The following UNC5C variants were observed in gnomAD, a reference collection of about 807,000 sequenced individuals.
UNC5C encodes netrin receptor UNC5C.
UNC5C carries 47 observed loss-of-function variants against 99.8 expected under a neutral mutation model. The observed-to-expected ratio is 0.47, with a 90% CI of 0.37 to 0.60. UNC5C has a LOEUF of 0.60. Among genes scored for constraint, UNC5C ranks in the 20% least tolerant of loss-of-function variants. UNC5C has a pLI of 0.00. For synonymous variants in UNC5C, 487 were observed against 452.2 expected, an observed-to-expected ratio of 1.08 and a Z score of -0.98; for missense variants, 1,062 against 1,165.9, an observed-to-expected ratio of 0.91 and a Z score of 1.30.
At position 95,188,410 on chromosome 4, in the gene UNC5C, G is replaced by A. The variant is rs540132008; in HGVS notation, c.2137-3214C>T. Among the ~76,000 whole-genome samples the A allele has an allele frequency of 5.3e-5, 8 of 152,294 alleles. No individual in the cohort carries two copies. The South Asian group carries it at 8.3e-4, about 16-fold the overall frequency. On this transcript the variant is annotated intron_variant, in intron 12 of 15. Transcript: ENST00000453304. ...GATCATCCAGCAACTCCTGGGAAAC[G>A]AGTATAATCTAAAACCACACAGGAA...
intron 1 of UNC5C, among the ~76,000 whole-genome samples, chr4:95,376,906 T>C (rs1357291828): frequency 6.6e-6 from 1 of 152,212 alleles, no homozygotes; most frequent in African/African-American, 2.4e-5. Context: ...CAAGAGCCCC[T>C]CCAGTGCTCC....
chr4:95,219,639 G>T (rs950504873), intron 8 of UNC5C, among the ~76,000 whole-genome samples: 3 of 152,070 alleles, frequency 2.0e-5, no homozygotes, highest in African/African-American at 7.2e-5. Flanking sequence ...GTCTATACTG[G>T]ATTTGGGTTC....
chr4:95,258,855 G>A (rs1740110431), intron 4 of UNC5C, among the ~76,000 whole-genome samples: 1 of 141,174 alleles, frequency 7.1e-6, no homozygotes, highest in African/African-American at 2.6e-5. Context: ...TCCGCTTCCC[G>A]GGTTCACGCC....
chr4:95,363,302 G>A lies in UNC5C; in HGVS notation c.125-27671C>T, dbSNP rs113937446. Among the ~76,000 whole-genome samples the A allele has an allele frequency of 2.2e-3, 336 of 152,202 alleles. 2 individuals carry two copies. The highest frequency in any genetic ancestry group is 7.7e-3 in the African/African-American group (318 of 41,524). ...ATTTGTTAGTGATCATTTGGCAGAG[G>A]CACCACTAAATCAAGAGTCTGCAAA... On this transcript the variant is annotated intron_variant, in intron 1 of 15. Coordinates refer to ENST00000453304, the MANE Select transcript of UNC5C (RefSeq NM_003728.4).
chr4:95,428,815 G>C (rs1322297118), intron 1 of UNC5C, among the ~76,000 whole-genome samples: 1 of 152,046 alleles, frequency 6.6e-6, no homozygotes, highest in Non-Finnish European at 1.5e-5. Context: ...TCAGAGTAAA[G>C]GTCAAGTGGG....
At chr4:95,322,594 T>C (rs1410728247) in intron 2 of UNC5C, among the ~76,000 whole-genome samples, 1 of 152,138 alleles carries the variant, frequency 6.6e-6, no homozygotes, top group East Asian at 1.9e-4. Flanking sequence ...ATAACTTTAA[T>C]AAATAACACA....
chr4:95,183,927 A>AAG (rs1415434160), intron 13 of UNC5C, among the ~76,000 whole-genome samples: 2 of 152,224 alleles, frequency 1.3e-5, no homozygotes, highest in African/African-American at 4.8e-5. Flanking sequence ...CCAATGTATG[A>AAG]AGAGAGTGTC....
At chr4:95,540,584 C>G (rs114042696) in intron 1 of UNC5C, among the ~76,000 whole-genome samples, 4 of 152,134 alleles carry the variant, frequency 2.6e-5, no homozygotes, top group Non-Finnish European at 5.9e-5. Flanking sequence ...ATGACAGGCA[C>G]CATAATCAAT....
At chr4:95,477,242 A>G (rs1286418764) in intron 1 of UNC5C, among the ~76,000 whole-genome samples, 1 of 151,030 alleles carries the variant, frequency 6.6e-6, no homozygotes. Context: ...CTTTTGTATC[A>G]TATATATATA....
chr4:95,292,198 C>T (rs1445107042), intron 3 of UNC5C, among the ~76,000 whole-genome samples: 1 of 120,818 alleles, frequency 8.3e-6, no homozygotes, highest in African/African-American at 3.0e-5. Flanking sequence ...TATATATACA[C>T]ATATATATAC....
At chr4:95,312,430 A>C (rs985927197) in intron 2 of UNC5C, among the ~76,000 whole-genome samples, 9 of 152,202 alleles carry the variant, frequency 5.9e-5, no homozygotes, top group African/African-American at 1.9e-4. Flanking sequence ...GTTTAATCCC[A>C]GGCATAGAAT....
Position 95,533,264 on chromosome 4 carries a change from T to A in UNC5C, c.124+15470A>T, listed in dbSNP as rs559683761. 6.6e-3 allele frequency among the ~76,000 whole-genome samples: 1,010 copies of A among 152,004 alleles called. 11 individuals carry two copies. The highest frequency in any genetic ancestry group is 0.023 in the African/African-American group (959 of 41,468). On this transcript the variant is annotated intron_variant, in intron 1 of 15. Transcript: ENST00000453304. ...TACAAAAAAAATTAGCTGGGCATGG[T>A]GGCGGGCGTCTGTAATGCCAGCGAC...
intron 4 of UNC5C, among the ~76,000 whole-genome samples, chr4:95,262,904 T>C (rs946646791): frequency 2.4e-4 from 36 of 152,142 alleles, no homozygotes; most frequent in Non-Finnish European, 4.4e-4. Flanking sequence ...AACCTCTGCT[T>C]CCCGGGTTCA....
rs548748179 is a variant in UNC5C, at chr4:95,425,470, C to T, written c.125-89839G>A. On this transcript the variant is annotated intron_variant, in intron 1 of 15. Transcript: ENST00000453304. ...GCGAGTAACTGGGACTACAGGCGCT[C>T]GCCACCACGCCCAGCTAATTTTTTT... is the stretch of plus-strand genomic sequence containing the variant. Among the ~76,000 whole-genome samples, 67 of 152,294 alleles carry T rather than the reference C, an allele frequency of 4.4e-4. 1 individual carries two copies. The highest frequency in any genetic ancestry group is 4.2e-3 in the Admixed American group (64 of 15,296).
intron 1 of UNC5C, among the ~76,000 whole-genome samples, chr4:95,543,839 G>A (rs1722987501): frequency 6.6e-6 from 1 of 152,132 alleles, no homozygotes; most frequent in South Asian, 2.1e-4. Context: ...AGAGAGAACA[G>A]AAGGGAAGAA....
intron 12 of UNC5C, among the ~76,000 whole-genome samples, chr4:95,189,879 T>G (rs918668529): frequency 1.3e-5 from 2 of 152,214 alleles, no homozygotes; most frequent in African/African-American, 4.8e-5. Context: ...AGGAACACTT[T>G]TACACTGTTG....
At chr4:95,292,262 T>A (rs1579301203) in intron 3 of UNC5C, among the ~76,000 whole-genome samples, 1 of 57,354 alleles carries the variant, frequency 1.7e-5, no homozygotes, top group Admixed American at 1.5e-4. Flanking sequence ...TATATATATA[T>A]ATATAAATTT....
chr4:95,510,152 T>C (rs1295938161), intron 1 of UNC5C, among the ~76,000 whole-genome samples: 3 of 152,066 alleles, frequency 2.0e-5, no homozygotes, highest in Non-Finnish European at 4.4e-5. Flanking sequence ...GTTTTCCAAA[T>C]TCTCTTTGAT....
chr4:95,324,029 C>G (rs1382215442), intron 2 of UNC5C, among the ~76,000 whole-genome samples: 1 of 151,858 alleles, frequency 6.6e-6, no homozygotes, highest in Non-Finnish European at 1.5e-5. Flanking sequence ...GAGTGAGACT[C>G]CATCTCAAAA....
Sources: allele counts gnomAD v4.1 joint callset (sites outside exome capture counted in the v4.1 genomes callset), GRCh38; gene constraint gnomAD v4.1.1; transcripts MANE v1.5; gene names NCBI Gene and HGNC (gene_info 2026-07-23, HGNC 2026-07-21).